RPL28: variants seen among roughly 807,000 people sequenced by gnomAD.
RPL28 encodes the protein large ribosomal subunit protein eL28.
RPL28 carries 4 observed loss-of-function variants against 12.5 expected under a neutral mutation model. The observed-to-expected ratio is 0.32, with a 90% confidence interval of 0.16 to 0.73. The LOEUF is 0.73. Among genes scored for constraint, RPL28 ranks in the 30% least tolerant of loss-of-function variants. The probability of loss-of-function intolerance (pLI) is 0.66; values close to 1 mark genes in which losing one functional copy is unlikely to be tolerated. For synonymous variants in RPL28, 91 were observed against 72.5 expected, an observed-to-expected ratio of 1.26 and a Z score of -1.30; for missense variants, 214 against 197.7, an observed-to-expected ratio of 1.08 and a Z score of -0.49.
At chr19:55,395,401 G>A (rs1210181257), downstream of RPL28, among the ~76,000 whole-genome samples, 1 of 151,650 alleles carries the variant, frequency 6.6e-6, no homozygotes, top group Non-Finnish European at 1.5e-5. Context: ...CCAAAGTGCT[G>A]GAATTACAGG....
chr19:55,402,087 G>A (rs1383950761), intron 4 of RPL28, among the ~76,000 whole-genome samples: 1 of 152,228 alleles, frequency 6.6e-6, no homozygotes, highest in Non-Finnish European at 1.5e-5. Context: ...TTACTTGCCT[G>A]AGCCCCAGAC....
At chr19:55,395,480 C>A (rs189053096), downstream of RPL28, among the ~76,000 whole-genome samples, 8 of 145,250 alleles carry the variant, frequency 5.5e-5, no homozygotes, top group African/African-American at 2.1e-4. Flanking sequence ...CTCTTGCACT[C>A]TCCCCCAGTC....
In RPL28 at chr19:55,402,700, T is replaced by C. The variant is rs78092505; in HGVS notation, c.325-243T>C. 2.6e-5 allele frequency among the ~76,000 whole-genome samples: 4 copies of C among 152,274 alleles called. No individual in the cohort carries two copies. In the East Asian group the frequency reaches 7.7e-4, roughly 29 times the overall value. ...CTGCTCTTCTTGCTGGCTGAGCCCC[T>C]GACAGGCCCAGATGCTGACCTAGCA... On this transcript the variant is annotated intron_variant, in intron 4 of 4. Transcript: ENST00000560055.
intron 3 of RPL28, chr19:55,387,689 T>C (rs1471682114): frequency 1.4e-6 from 2 of 1,396,456 alleles, no homozygotes; most frequent in East Asian, 2.6e-5. Context: ...AAGGAGTGTT[T>C]TCATGGTGGA....
rs59698058 is a variant in RPL28, at chr19:55,390,990, G to A, written c.*2658G>A. The A allele has an allele frequency of 7.1e-3, 6,967 of 981,968 alleles. 413 individuals carry two copies. The African/African-American group carries it at 0.11, about 16-fold the overall frequency. The allele number at this position is 981,968 out of a possible 1,614,324, so 60.8% of individuals were successfully genotyped here. ...AGTTAAACCAAAAACATGATATTAA[G>A]AAAACAGGCAGGCTCACCATAGTAA... On this transcript the variant is annotated 3_prime_UTR_variant, in exon 5 of 5. Coordinates refer to ENST00000344063, the MANE Select transcript of RPL28 (RefSeq NM_000991.5).
rs2089973718 is a variant in RPL28, at chr19:55,389,865, C to G, written c.*1533C>G. On this transcript the variant is annotated 3_prime_UTR_variant, in exon 5 of 5. Coordinates refer to ENST00000344063, the MANE Select transcript of RPL28 (RefSeq NM_000991.5). ...TCAGGCCCACCTCCAGCTGGCCTCA[C>G]TCCGCTGGTGACTTCGTACCTGCTC... 4.1e-6 allele frequency: 4 copies of G among 985,464 alleles called. No individual in the cohort carries two copies. The highest frequency in any genetic ancestry group is 3.6e-6 in the Non-Finnish European group (3 of 829,976). The allele number at this position is 985,464 out of a possible 1,614,324, so 61.0% of individuals were successfully genotyped here.
At chr19:55,386,930 C>A in intron 3 of RPL28, 1 of 1,475,206 alleles carries the variant, frequency 6.8e-7, no homozygotes, top group Non-Finnish European at 9.0e-7. Flanking sequence ...ACCTGAACTT[C>A]CTCGGTGGTT....
Position 55,388,377 on chromosome 19 carries a change from G to C in RPL28, c.*45G>C, listed in dbSNP as rs553404100. The C allele has an allele frequency of 4.5e-5, 65 of 1,436,618 alleles. No individual in the cohort carries two copies. The highest frequency in any genetic ancestry group is 6.0e-5 in the Admixed American group (2 of 33,128). 89.0% of individuals were successfully genotyped at this position (1,436,618 alleles called of 1,614,324 possible). On this transcript the variant is annotated 3_prime_UTR_variant, in exon 5 of 5. Coordinates refer to ENST00000344063, the MANE Select transcript of RPL28 (RefSeq NM_000991.5). ...ATAAAGTCAGCTGGCTTTCTCACCT[G>C]CCTCGACTGGGCCTCCCTTTTTGAA... is the stretch of plus-strand genomic sequence containing the variant.
At position 55,390,839 on chromosome 19, in the gene RPL28, G is replaced by A; in HGVS notation, c.*2507G>A. The stretch of plus-strand genomic sequence containing the variant: ...CAGAGTTTGGAGTCCTCAGTGTGCT[G>A]AGCAAACGTGGAGACACCATTTCCC... On this transcript the variant is annotated 3_prime_UTR_variant, in exon 5 of 5. Coordinates refer to ENST00000344063, the MANE Select transcript of RPL28 (RefSeq NM_000991.5). The A allele has an allele frequency of 1.0e-6, 1 of 985,472 alleles. No homozygotes were observed. The highest frequency in any genetic ancestry group is 1.2e-6 in the Non-Finnish European group (1 of 829,938). The allele number at this position is 985,472 out of a possible 1,614,324, so 61.0% of individuals were successfully genotyped here. A position where few individuals can be genotyped will look rare whatever the true frequency, so the allele number is the denominator to read the frequency against.
chr19:55,397,804 G>GGAGGTGC (rs1569046205), intron 4 of RPL28, among the ~76,000 whole-genome samples: 3 of 151,848 alleles, frequency 2.0e-5, no homozygotes, highest in African/African-American at 7.3e-5. Context: ...GTGGGAGGTG[G>GGAGGTGC]GAGGATCAGT....
At chr19:55,400,370 A>G (rs1339937806) in intron 4 of RPL28, 2 of 152,184 alleles carry the variant, frequency 1.3e-5, no homozygotes, top group Admixed American at 6.5e-5. Flanking sequence ...ACCTAAACGC[A>G]TTAATAGAAT....
At chr19:55,396,229 C>G (rs1184497037), downstream of RPL28, among the ~76,000 whole-genome samples, 1 of 151,040 alleles carries the variant, frequency 6.6e-6, no homozygotes, top group African/African-American at 2.4e-5. Context: ...TATGTTGGCA[C>G]CACTGCACTC....
At chr19:55,402,192 GAGAGA>G (rs1205760799) in intron 4 of RPL28, among the ~76,000 whole-genome samples, 1 of 152,196 alleles carries the variant, frequency 6.6e-6, no homozygotes, top group Non-Finnish European at 1.5e-5. Context: ...AGCCTGGACA[GAGAGA>G]AGAGACTTCC....
In RPL28 at chr19:55,389,703, CCT is replaced by C. The variant is rs140100537; in HGVS notation, c.*1372_*1373del. 1,429 of 985,580 alleles carry C rather than the reference CCT, an allele frequency of 1.4e-3. 20 individuals are homozygous for C. In the African/African-American group the frequency reaches 0.023, roughly 16 times the overall value. 61.1% of individuals were successfully genotyped at this position (985,580 alleles called of 1,614,324 possible). Reference sequence around the variant, plus strand: ...GAGCAGATCTGACCACTTGCCAGCCCCTGTCTGCTGTGAATTACCATTTCCTT... The same window carrying C: ...GAGCAGATCTGACCACTTGCCAGCCCGTCTGCTGTGAATTACCATTTCCTT... On this transcript the variant is annotated 3_prime_UTR_variant, in exon 5 of 5. Coordinates refer to ENST00000344063, the MANE Select transcript of RPL28 (RefSeq NM_000991.5).
chr19:55,401,595 G>T, intron 4 of RPL28: 3 of 1,607,760 alleles, frequency 1.9e-6, no homozygotes, highest in Non-Finnish European at 2.5e-6. Flanking sequence ...CACTGGCCAG[G>T]GCCCGACCGG....
At chr19:55,394,256 C>T (rs892602639), downstream of RPL28, among the ~76,000 whole-genome samples, 13 of 152,050 alleles carry the variant, frequency 8.5e-5, no homozygotes, top group Admixed American at 5.9e-4. Flanking sequence ...AGCGAGACTC[C>T]GTCTCAAAAA....
Position 55,391,774 on chromosome 19 carries a change from T to G in RPL28, c.*3442T>G. 1 of 1,376,922 alleles carries G rather than the reference T, an allele frequency of 7.3e-7. No homozygotes were observed. Among genetic ancestry groups the G allele is most frequent in the Non-Finnish European group, 9.5e-7 (1 of 1,057,604 alleles). 85.3% of individuals were successfully genotyped at this position (1,376,922 alleles called of 1,614,324 possible). On this transcript the variant is annotated 3_prime_UTR_variant, in exon 5 of 5. Transcript: ENST00000344063. Reference sequence around the variant, plus strand: ...TAAATTAATGACTTTTTATAAATATTTTGATCAGATGGACTCATGATCACA... The same window carrying G: ...TAAATTAATGACTTTTTATAAATATGTTGATCAGATGGACTCATGATCACA...
At chr19:55,395,921 G>A (rs1011632828), downstream of RPL28, among the ~76,000 whole-genome samples, 2 of 152,028 alleles carry the variant, frequency 1.3e-5, no homozygotes, top group Non-Finnish European at 2.9e-5. Context: ...TTTTGCCCCC[G>A]GCTTCCTTAC....
Position 55,388,901 on chromosome 19 carries a change from G to A in RPL28, c.*569G>A. 1.0e-6 allele frequency: 1 copy of A among 985,732 alleles called. No homozygotes were observed. The highest frequency in any genetic ancestry group is 5.2e-4 in the Middle Eastern group (1 of 1,916). The allele number at this position is 985,732 out of a possible 1,614,324, so 61.1% of individuals were successfully genotyped here. On this transcript the variant is annotated 3_prime_UTR_variant, in exon 5 of 5. Coordinates refer to ENST00000344063, the MANE Select transcript of RPL28 (RefSeq NM_000991.5). ...ACTTGGTGGGTGGTGGCTTATAACT[G>A]TAAGGGAGATGGCAGCCCCAGGGTA...
Sources: gnomAD v4.1 joint callset for allele counts (sites outside exome capture counted in the v4.1 genomes callset) on GRCh38, gnomAD v4.1.1 for gene constraint, MANE v1.5 for transcripts, NCBI Gene and HGNC (gene_info 2026-07-23, HGNC 2026-07-21) for gene names.